TSPAN18: variants seen among roughly 807,000 people sequenced by gnomAD.
The protein encoded by TSPAN18 is tetraspanin 18, also known as tetraspanin-18.
Under a neutral mutation model 27.3 loss-of-function variants are expected in TSPAN18, and 14 were observed. The observed-to-expected ratio is 0.51, with a 90% CI of 0.34 to 0.80. The LOEUF (loss-of-function observed/expected upper bound fraction) is 0.80, where lower values mean the gene tolerates loss of function less well. Ranked by LOEUF, TSPAN18 falls within the 30% of genes least tolerant of loss-of-function variation. TSPAN18 has a pLI of 0.01. For missense variants in TSPAN18, 268 were observed against 323.9 expected, an observed-to-expected ratio of 0.83 and a Z score of 1.32; for synonymous variants, 143 against 136.5, an observed-to-expected ratio of 1.05 and a Z score of -0.33.
intron 1 of TSPAN18, among the ~76,000 whole-genome samples, chr11:44,745,113 G>A (rs2134835836): frequency 6.6e-6 from 1 of 152,332 alleles, no homozygotes; most frequent in Non-Finnish European, 1.5e-5. Flanking sequence ...TATGACCTAA[G>A]GTGAGGGTCC....
chr11:44,874,890 G>A (rs572499707), intron 3 of TSPAN18, among the ~76,000 whole-genome samples: 1 of 152,362 alleles, frequency 6.6e-6, no homozygotes, highest in African/African-American at 2.4e-5. Flanking sequence ...AATTCCACTG[G>A]AAGAGGAGGG....
intron 2 of TSPAN18, among the ~76,000 whole-genome samples, chr11:44,810,859 G>A (rs189215909): frequency 1.3e-5 from 2 of 152,046 alleles, no homozygotes; most frequent in African/African-American, 2.4e-5. Flanking sequence ...TCTGCCCGCC[G>A]TGGCCTCTCA....
intron 1 of TSPAN18, among the ~76,000 whole-genome samples, chr11:44,729,450 G>A (rs534900627): frequency 1.2e-4 from 19 of 152,174 alleles, no homozygotes; most frequent in African/African-American, 4.3e-4. Flanking sequence ...AGAGGGAGTT[G>A]AAGGTCCCCA....
At position 44,917,914 on chromosome 11, in the gene TSPAN18, T is replaced by G. The variant is rs1257438584; in HGVS notation, c.259-58T>G. ...ACAGATGGACGGATGCATTGGCCAGTGGCCGCCCCATCCCCTGCCTGCCCT... is the reference window on the plus strand; with the variant it reads ...ACAGATGGACGGATGCATTGGCCAGGGGCCGCCCCATCCCCTGCCTGCCCT... On this transcript the variant is annotated intron_variant, in intron 5 of 9. Coordinates refer to ENST00000520358, the MANE Select transcript of TSPAN18 (RefSeq NM_130783.5). 2.6e-6 allele frequency: 4 copies of G among 1,560,146 alleles called. No homozygotes were observed. The African/African-American group carries it at 5.4e-5, about 21-fold the overall frequency.
At chr11:44,773,428 C>CA (rs1491179675) in intron 2 of TSPAN18, among the ~76,000 whole-genome samples, 1 of 151,488 alleles carries the variant, frequency 6.6e-6, no homozygotes, top group Non-Finnish European at 1.5e-5. Context: ...AAAAAAAACC[C>CA]AAAAAACAAA....
intron 2 of TSPAN18, among the ~76,000 whole-genome samples, chr11:44,854,264 C>T (rs1857679074): frequency 6.6e-6 from 1 of 150,748 alleles, no homozygotes; most frequent in Non-Finnish European, 1.5e-5. Flanking sequence ...GAGTTAGAGA[C>T]CTCTCCCTCC....
chr11:44,918,681 A>G (rs1267880163), intron 6 of TSPAN18, among the ~76,000 whole-genome samples: 2 of 152,116 alleles, frequency 1.3e-5, no homozygotes, highest in African/African-American at 2.4e-5. Context: ...TGAGCAGACA[A>G]TGGTGCCCAG....
intron 3 of TSPAN18, among the ~76,000 whole-genome samples, chr11:44,863,993 A>G (rs911388797): frequency 1.3e-5 from 2 of 152,080 alleles, no homozygotes; most frequent in Non-Finnish European, 2.9e-5. Context: ...TGTCCCAAAA[A>G]ACTTGGTGAT....
intron 2 of TSPAN18, among the ~76,000 whole-genome samples, chr11:44,828,434 C>A (rs1857088964): frequency 6.6e-6 from 1 of 152,120 alleles, no homozygotes; most frequent in South Asian, 2.1e-4. Context: ...GGTTTCCTTA[C>A]CTATAGGAGG....
chr11:44,842,980 A>C (rs527728672), intron 2 of TSPAN18, among the ~76,000 whole-genome samples: 2 of 151,910 alleles, frequency 1.3e-5, no homozygotes, highest in Non-Finnish European at 2.9e-5. Flanking sequence ...ATCACCTTCA[A>C]GCAATTGTGC....
intron 2 of TSPAN18, among the ~76,000 whole-genome samples, chr11:44,855,923 C>G (rs1169430964): frequency 1.3e-5 from 2 of 151,880 alleles, no homozygotes; most frequent in African/African-American, 4.8e-5. Context: ...CATTCTGTCA[C>G]CCAGGCTGGA....
In TSPAN18 at chr11:44,727,798, C is replaced by T. The variant is rs959144423; in HGVS notation, c.-240+511C>T. ...TGGGGTCCCTGGCAGCGGGGCGGGG[C>T]GGGGCGGAGGCGCCACTCGTTCCTC... is the stretch of plus-strand genomic sequence containing the variant. On this transcript the variant is annotated intron_variant, in intron 1 of 9. Transcript: ENST00000520358. 4.0e-5 allele frequency among the ~76,000 whole-genome samples: 6 copies of T among 151,078 alleles called. No individual in the cohort carries two copies. In the East Asian group the frequency reaches 9.9e-4, roughly 25 times the overall value.
At chr11:44,919,158 G>C (rs980226589) in intron 6 of TSPAN18, 56 bp from the exon 7 acceptor site, 22 of 1,379,380 alleles carry the variant, frequency 1.6e-5, no homozygotes, top group Non-Finnish European at 2.3e-5. Flanking sequence ...GACGATGGAG[G>C]GTGGGGGCTG....
intron 2 of TSPAN18, among the ~76,000 whole-genome samples, chr11:44,823,372 A>C (rs913925397): frequency 3.3e-5 from 5 of 152,210 alleles, no homozygotes; most frequent in Admixed American, 1.3e-4. Flanking sequence ...TGGAGAGGCG[A>C]TGCAGCGGGG....
At chr11:44,784,449 A>G (rs1856009395) in intron 2 of TSPAN18, among the ~76,000 whole-genome samples, 1 of 152,164 alleles carries the variant, frequency 6.6e-6, no homozygotes, top group Non-Finnish European at 1.5e-5. Context: ...CAAAGGCCAT[A>G]GATGTTGAGA....
chr11:44,879,233 G>GA (rs1858423044), intron 3 of TSPAN18, among the ~76,000 whole-genome samples: 1 of 152,046 alleles, frequency 6.6e-6, no homozygotes, highest in South Asian at 2.1e-4. Flanking sequence ...AGCCCACACG[G>GA]AGATTTATCC....
chr11:44,777,437 C>G (rs1855838188), intron 2 of TSPAN18, among the ~76,000 whole-genome samples: 1 of 152,160 alleles, frequency 6.6e-6, no homozygotes, highest in Non-Finnish European at 1.5e-5. Context: ...CCTACTTATG[C>G]CAAGCTGCTG....
At chr11:44,782,782 A>G (rs1565146754) in intron 2 of TSPAN18, among the ~76,000 whole-genome samples, 2 of 152,146 alleles carry the variant, frequency 1.3e-5, no homozygotes, top group South Asian at 2.1e-4. Flanking sequence ...GCATCTTTTC[A>G]TGGGCTTATT....
chr11:44,920,110 C>A, intron 8 of TSPAN18, 111 bp downstream of exon 8: 1 of 1,137,220 alleles, frequency 8.8e-7, no homozygotes, highest in Non-Finnish European at 1.2e-6. Flanking sequence ...CCAGGAATCC[C>A]AGGGAAGTGT....
Sources: allele counts gnomAD v4.1 joint callset (sites outside exome capture counted in the v4.1 genomes callset), GRCh38; gene constraint gnomAD v4.1.1; transcripts MANE v1.5; gene names NCBI Gene and HGNC (gene_info 2026-07-23, HGNC 2026-07-21).